SYNE1: variants seen among roughly 807,000 people sequenced by gnomAD.
SYNE1 encodes spectrin repeat containing nuclear envelope protein 1, also known as nesprin-1.
In SYNE1, 616 loss-of-function variants were observed where a neutral mutation model predicts 1,111.0. The observed-to-expected ratio is 0.55, with a 90% confidence interval of 0.52 to 0.59. The LOEUF (loss-of-function observed/expected upper bound fraction) is 0.59. Ranked by LOEUF, SYNE1 falls within the 20% of genes least tolerant of loss-of-function variation. The pLI, the probability that SYNE1 is intolerant of heterozygous loss-of-function variation, is 0.00. For missense variants in SYNE1, 10,006 were observed against 10,417.0 expected (o/e 0.96, Z 1.72); for synonymous variants, 3,855 against 3,825.8 (o/e 1.01, Z -0.28).
intron 3 of SYNE1, among the ~76,000 whole-genome samples, chr6:152,553,050 G>A (rs2099353099): frequency 6.6e-6 from 1 of 152,034 alleles, no homozygotes; most frequent in East Asian, 1.9e-4. Flanking sequence ...AATGTATGTG[G>A]CAGGCATATG....
At chr6:152,386,171 G>A (rs1003352481) in intron 54 of SYNE1, among the ~76,000 whole-genome samples, 1 of 152,044 alleles carries the variant, frequency 6.6e-6, no homozygotes, top group African/African-American at 2.4e-5. Context: ...TTGTTAGCTT[G>A]GTGTACAGCA....
chr6:152,256,688 T>G lies in SYNE1; in HGVS notation c.19050A>C (p.Ala6350=). Residue 6350 remains alanine, a synonymous_variant, in exon 102 of 146, where the codon GCA becomes GCC. Transcript: ENST00000367255. ...TCAGTCCATCCAGCAAAGATGTAAC[T>G]GCAGATTTATCTTGGGTTGGCACGT... ...KGDVPTQDKS[A]VTSLLDGLNQ... 1 of 1,614,080 alleles carries G rather than the reference T, an allele frequency of 6.2e-7. No homozygotes were observed. The highest frequency in any genetic ancestry group is 8.5e-7 in the Non-Finnish European group (1 of 1,179,956).
At chr6:152,488,890 G>T (rs1488350425) in intron 11 of SYNE1, among the ~76,000 whole-genome samples, 1 of 152,120 alleles carries the variant, frequency 6.6e-6, no homozygotes, top group Non-Finnish European at 1.5e-5. Flanking sequence ...TTCTAGATGG[G>T]ATTCATTTTG....
At chr6:152,461,886 T>A (rs566198619) in intron 20 of SYNE1, 146 bp from the exon 21 acceptor site, 10 of 973,652 alleles carry the variant, frequency 1.0e-5, no homozygotes, top group Non-Finnish European at 1.4e-5. Flanking sequence ...AGTTTTTGCT[T>A]CCCTTCATTA....
At chr6:152,275,238 A>C (rs1470921726) in intron 98 of SYNE1, among the ~76,000 whole-genome samples, 1 of 152,074 alleles carries the variant, frequency 6.6e-6, no homozygotes, top group East Asian at 1.9e-4. Context: ...CTATAAAATT[A>C]TGGGTTTGGG....
rs2096943120 is a variant in SYNE1 at position 152,362,167 on chromosome 6, C to T, written c.10299+3G>A. ...CACATGGAATCTGAAATCCAGCTCT[C>T]ACCTTGGCTTTTCCGAGCATCGTTG... On this transcript the variant is annotated splice_donor_region_variant and intron_variant, in intron 64 of 145. Coordinates refer to ENST00000367255, the MANE Select transcript of SYNE1 (RefSeq NM_182961.4). The T allele has an allele frequency of 6.2e-7, 1 of 1,614,104 alleles. No homozygotes were observed. The highest frequency in any genetic ancestry group is 1.7e-5 in the Admixed American group (1 of 60,006).
chr6:152,255,194 G>C lies in SYNE1; in HGVS notation c.19261-105C>G, dbSNP rs1016472025. On this transcript the variant is annotated intron_variant, in intron 103 of 145. Coordinates refer to ENST00000367255, the MANE Select transcript of SYNE1 (RefSeq NM_182961.4). The stretch of plus-strand genomic sequence containing the variant: ...TCAACTAGATCTCTCTGGCTGCTTA[G>C]TAATAATCAGACCTAAGACAACTGG... The C allele has an allele frequency of 4.0e-6, 4 of 999,944 alleles. No individual in the cohort carries two copies. In the African/African-American group the frequency reaches 4.8e-5, roughly 12 times the overall value. 61.9% of individuals were successfully genotyped at this position (999,944 alleles called of 1,614,324 possible). A position where few individuals can be genotyped will look rare whatever the true frequency, so the allele number is the denominator to read the frequency against.
chr6:152,387,831 T>C (rs2097547529), intron 53 of SYNE1, among the ~76,000 whole-genome samples: 1 of 152,194 alleles, frequency 6.6e-6, no homozygotes, highest in Non-Finnish European at 1.5e-5. Flanking sequence ...AAGGTATCCT[T>C]CCTGAGTAAA....
chr6:152,605,017 A>G (rs1401487126), intron 3 of SYNE1, among the ~76,000 whole-genome samples: 14 of 65,424 alleles, frequency 2.1e-4, no homozygotes, highest in African/African-American at 9.6e-4. Context: ...AGAGAGAGAG[A>G]GAGAGAGAGA....
chr6:152,233,888 G>T lies in SYNE1; in HGVS notation c.20605C>A (p.Leu6869Ile). 1 of 1,614,182 alleles carries T rather than the reference G, an allele frequency of 6.2e-7. No homozygotes were observed. Among genetic ancestry groups the T allele is most frequent in the African/African-American group, 1.3e-5 (1 of 75,068 alleles). Residue 6869 changes from leucine to isoleucine, a missense_variant, in exon 112 of 146, where the codon CTA becomes ATA. This residue lies in a region of SYNE1 where 2,182 missense variants were observed against 2,287.8 expected (regional missense o/e 0.95). Coordinates refer to ENST00000367255, the MANE Select transcript of SYNE1 (RefSeq NM_182961.4). ...AGCGTGGCTGTGTCCACCTTTTTTA[G>T]TCGAAGGAGCTGATTTCCAGTACTC... ...VLSTGNQLLR[L>I]KKVDTATLRS... is the part of the protein sequence containing the mutation.
chr6:152,219,732 G>T (rs1474484845), intron 119 of SYNE1, among the ~76,000 whole-genome samples: 1 of 152,220 alleles, frequency 6.6e-6, no homozygotes, highest in Non-Finnish European at 1.5e-5. Flanking sequence ...ACACAGTGAT[G>T]ATTTTGGTGA....
chr6:152,268,235 A>T, intron 99 of SYNE1, 70 bp from the exon 100 acceptor site: 1 of 1,275,878 alleles, frequency 7.8e-7, no homozygotes, highest in Non-Finnish European at 1.1e-6. Context: ...TCATAGTTCT[A>T]GCTATAAAAT....
chr6:152,404,813 T>A (rs777142204), intron 45 of SYNE1: 1 of 153,548 alleles, frequency 6.5e-6, no homozygotes, highest in East Asian at 1.9e-4. Context: ...TTCATTACGA[T>A]ATTGATACAT....
chr6:152,374,514 C>A (rs1201281689), intron 58 of SYNE1, among the ~76,000 whole-genome samples: 1 of 152,192 alleles, frequency 6.6e-6, no homozygotes, highest in Non-Finnish European at 1.5e-5. Context: ...TGGCTCATGC[C>A]TGTAATCCCA....
chr6:152,153,351 C>T (rs2060784045), intron 133 of SYNE1, among the ~76,000 whole-genome samples: 1 of 152,204 alleles, frequency 6.6e-6, no homozygotes, highest in South Asian at 2.1e-4. Context: ...CCAGCACACC[C>T]ATGTCCATCC....
chr6:152,397,191 C>T (rs2097747321), intron 49 of SYNE1, among the ~76,000 whole-genome samples: 1 of 152,176 alleles, frequency 6.6e-6, no homozygotes, highest in Non-Finnish European at 1.5e-5. Flanking sequence ...AAAGTGTAAA[C>T]AAGGCTGAGC....
intron 101 of SYNE1, among the ~76,000 whole-genome samples, chr6:152,260,719 G>A (rs1027701490): frequency 3.3e-5 from 5 of 151,500 alleles, no homozygotes; most frequent in East Asian, 1.9e-4. Flanking sequence ...TGGGAGAGAC[G>A]GTTTTAGAAT....
rs1453139566 is a variant in SYNE1 at position 152,331,030 on chromosome 6, T to C, written c.13655A>G (p.His4552Arg). Residue 4552 changes from histidine to arginine, a missense_variant, in exon 78 of 146, where the codon CAC (histidine) becomes CGC (arginine). Transcript: ENST00000367255. Reference protein sequence around the residue: ...VYDSVLQKCSHRLQELEKNLV... With the variant: ...VYDSVLQKCSRRLQELEKNLV... ...ATTCTTCTCTAGTTCTTGTAACCGG[T>C]GACTGCACTTTTGTAAAACACTGTC... 1 of 1,614,166 alleles carries C rather than the reference T, an allele frequency of 6.2e-7. No individual in the cohort carries two copies. The highest frequency in any genetic ancestry group is 1.1e-5 in the South Asian group (1 of 91,082).
chr6:152,164,370 A>G lies in SYNE1; in HGVS notation c.23628-45T>C, dbSNP rs144803689. On this transcript the variant is annotated intron_variant, in intron 130 of 145. Coordinates refer to ENST00000367255, the MANE Select transcript of SYNE1 (RefSeq NM_182961.4). The stretch of plus-strand genomic sequence containing the variant: ...AATGTCCCACTTCAGCGAGAGGCCC[A>G]CTCATGTTTCTCTAGCGTGCAGAGG... 1.8e-4 allele frequency: 286 copies of G among 1,611,448 alleles called. No individual in the cohort carries two copies. The African/African-American group carries it at 2.2e-3, about 12-fold the overall frequency.
Sources: gnomAD v4.1 joint callset for allele counts (sites outside exome capture counted in the v4.1 genomes callset) on GRCh38, gnomAD v4.1.1 for gene constraint, gnomAD v4.1.1 regional missense constraint, MANE v1.5 for transcripts, NCBI Gene and HGNC (gene_info 2026-07-23, HGNC 2026-07-21) for gene names.